The following TBC1D15 variants were observed in gnomAD, a reference collection of about 807,000 sequenced individuals.
TBC1D15 encodes the protein TBC1 domain family member 15, also known as GAP for RAB7.
A neutral mutation model predicts 95.4 loss-of-function variants in TBC1D15; 39 were observed. That is an observed-to-expected ratio of 0.41 (90% CI 0.32 to 0.53). The LOEUF (loss-of-function observed/expected upper bound fraction) is 0.53, where lower values mean the gene tolerates loss of function less well. Ranked by LOEUF, TBC1D15 falls within the 20% of genes least tolerant of loss-of-function variation. The probability of loss-of-function intolerance (pLI) is 0.29; values close to 1 mark genes in which losing one functional copy is unlikely to be tolerated. For synonymous variants in TBC1D15, 258 were observed against 261.3 expected (o/e 0.99, Z 0.12); for missense variants, 733 against 794.3 (o/e 0.92, Z 0.93).
intron 1 of TBC1D15, among the ~76,000 whole-genome samples, chr12:71,866,022 A>G (rs1391581063): frequency 6.6e-6 from 1 of 152,084 alleles, no homozygotes; most frequent in Non-Finnish European, 1.5e-5. Context: ...CTGTTTTCCC[A>G]GAAGGCAAGA....
At chr12:71,864,594 G>T (rs1891090768) in intron 1 of TBC1D15, among the ~76,000 whole-genome samples, 1 of 151,550 alleles carries the variant, frequency 6.6e-6, no homozygotes. Context: ...TGTAATCTCT[G>T]CCTCCTGGGT....
At chr12:71,910,459 A>G (rs7975678) in intron 11 of TBC1D15, among the ~76,000 whole-genome samples, 19,199 of 149,456 alleles carry the variant, frequency 0.13, 1,642 homozygotes, top group African/African-American at 0.24. Flanking sequence ...GGGCAGTATG[A>G]CCATTTTCAC....
At chr12:71,894,636 TTTTC>T in intron 6 of TBC1D15, 46 bp from the exon 7 acceptor site, 1 of 1,523,368 alleles carries the variant, frequency 6.6e-7, no homozygotes, top group Non-Finnish European at 8.9e-7. Flanking sequence ...GAGTATTCGT[TTTTC>T]TTTATTTGAG....
chr12:71,870,899 A>G (rs1892525795), intron 1 of TBC1D15, among the ~76,000 whole-genome samples: 1 of 152,194 alleles, frequency 6.6e-6, no homozygotes, highest in Admixed American at 6.6e-5. Flanking sequence ...TGAAGGAGTG[A>G]TAGACTCTGA....
At chr12:71,895,495 G>C (rs1003789605) in intron 7 of TBC1D15, among the ~76,000 whole-genome samples, 1 of 152,088 alleles carries the variant, frequency 6.6e-6, no homozygotes, top group African/African-American at 2.4e-5. Context: ...AGTGAAGCTA[G>C]TGGGTCATGA....
At chr12:71,881,245 A>G (rs1280256519) in intron 4 of TBC1D15, among the ~76,000 whole-genome samples, 1 of 152,236 alleles carries the variant, frequency 6.6e-6, no homozygotes, top group Admixed American at 6.5e-5. Context: ...TAGATACACA[A>G]ATACTTAGCA....
intron 5 of TBC1D15, among the ~76,000 whole-genome samples, chr12:71,890,903 A>T (rs1395848772): frequency 6.6e-6 from 1 of 152,226 alleles, no homozygotes; most frequent in Non-Finnish European, 1.5e-5. Flanking sequence ...GGTTGCTAAG[A>T]TATGAATGAG....
At chr12:71,888,848 T>C (rs577524972) in intron 5 of TBC1D15, among the ~76,000 whole-genome samples, 4 of 120,638 alleles carry the variant, frequency 3.3e-5, no homozygotes, top group Admixed American at 1.5e-4. Context: ...ATGTTTCTTT[T>C]TTTTTTTTTT....
intron 10 of TBC1D15, among the ~76,000 whole-genome samples, chr12:71,905,406 G>C (rs1348206111): frequency 1.3e-5 from 2 of 152,058 alleles, no homozygotes; most frequent in African/African-American, 4.8e-5. Flanking sequence ...GCTCACTGCA[G>C]CCTCAACTTC....
intron 7 of TBC1D15, among the ~76,000 whole-genome samples, chr12:71,895,619 G>A (rs1335956215): frequency 2.0e-5 from 3 of 151,814 alleles, no homozygotes; most frequent in Non-Finnish European, 2.9e-5. Flanking sequence ...TTGGTTTGAA[G>A]GTTTCTTACA....
Position 71,923,213 on chromosome 12 carries a change from C to G in TBC1D15, c.*9C>G, listed in dbSNP as rs757328751. 6.2e-7 allele frequency: 1 copy of G among 1,610,678 alleles called. No individual in the cohort carries two copies. The highest frequency in any genetic ancestry group is 1.1e-5 in the South Asian group (1 of 90,672). ...GATTAACACCTGCATGATCACTGTT[C>G]TTGCTTTTTTGGGAAGAGACACTTT... On this transcript the variant is annotated 3_prime_UTR_variant, in exon 17 of 17. Coordinates refer to ENST00000485960, the MANE Select transcript of TBC1D15 (RefSeq NM_001146213.3).
At chr12:71,871,058 C>A (rs1892565580) in intron 1 of TBC1D15, among the ~76,000 whole-genome samples, 1 of 152,006 alleles carries the variant, frequency 6.6e-6, no homozygotes, top group Admixed American at 6.6e-5. Flanking sequence ...TACTTATTTT[C>A]ATAATTAAAA....
chr12:71,920,940 T>C (rs1869050034), intron 15 of TBC1D15, 93 bp downstream of exon 15: 1 of 867,736 alleles, frequency 1.2e-6, no homozygotes, highest in Non-Finnish European at 1.8e-6. Flanking sequence ...TTATTAAATC[T>C]CTTGAGTAAC....
intron 1 of TBC1D15, among the ~76,000 whole-genome samples, chr12:71,860,821 T>G (rs1298261895): frequency 6.6e-6 from 1 of 152,190 alleles, no homozygotes; most frequent in East Asian, 1.9e-4. Flanking sequence ...GAGAAAAACT[T>G]TGAACTTTTC....
chr12:71,865,226 G>A (rs1156367897), intron 1 of TBC1D15, among the ~76,000 whole-genome samples: 1 of 152,224 alleles, frequency 6.6e-6, no homozygotes, highest in East Asian at 1.9e-4. Context: ...TGTGTTGGAT[G>A]TAGGTTGCCC....
At chr12:71,896,396 C>G in intron 8 of TBC1D15, 1 of 442,494 alleles carries the variant, frequency 2.3e-6, no homozygotes, top group Non-Finnish European at 4.0e-6. Context: ...TTGCCTTATT[C>G]TGTAAGATTG....
In TBC1D15 at chr12:71,917,761, C is replaced by T; in HGVS notation, c.1465C>T (p.Leu489Phe). 1 of 1,612,970 alleles carries T rather than the reference C, an allele frequency of 6.2e-7. No individual in the cohort carries two copies. The highest frequency in any genetic ancestry group is 8.5e-7 in the Non-Finnish European group (1 of 1,179,286). The stretch of plus-strand genomic sequence containing the variant: ...CCAGCTAATTCAGCTGAGTACCTTA[C>T]TTCGATTGTTAGACAGTGGATTTTG... ...KTQLIQLSTL[L>F]RLLDSGFCSY... Residue 489 changes from leucine to phenylalanine, a missense_variant, in exon 13 of 17, where the codon CTT becomes TTT. Leu to Phe is a conservative substitution (Grantham distance 22). Transcript: ENST00000485960.
intron 1 of TBC1D15, among the ~76,000 whole-genome samples, chr12:71,858,453 T>C (rs1386940476): frequency 6.6e-6 from 1 of 151,272 alleles, no homozygotes; most frequent in African/African-American, 2.4e-5. Context: ...AGTGCTGCAG[T>C]AAACTTGGGA....
At chr12:71,850,550 C>T (rs963522896) in intron 1 of TBC1D15, 1 of 160,386 alleles carries the variant, frequency 6.2e-6, no homozygotes, top group African/African-American at 2.4e-5. Context: ...GTAGCTAGGA[C>T]TACAGGCATG....
Sources: gnomAD v4.1 joint callset for allele counts (sites outside exome capture counted in the v4.1 genomes callset) on GRCh38, gnomAD v4.1.1 for gene constraint, MANE v1.5 for transcripts, NCBI Gene and HGNC (gene_info 2026-07-23, HGNC 2026-07-21) for gene names.